Variants in DEGS2 observed in about 807,000 individuals in gnomAD.
The protein encoded by DEGS2 is delta 4-desaturase, sphingolipid 2.
DEGS2 carries 19 observed loss-of-function variants against 23.8 expected under a neutral mutation model. The ratio of observed to expected loss-of-function variants is 0.80; its 90% confidence interval spans 0.56 to 1.17. DEGS2 has a LOEUF of 1.17. Ranked by LOEUF, DEGS2 falls within the 50% of genes most tolerant of loss-of-function variation. The pLI, the probability that DEGS2 is intolerant of heterozygous loss-of-function variation, is 0.00. For missense variants in DEGS2, 390 were observed against 459.5 expected (o/e 0.85, Z 1.38); for synonymous variants, 218 against 213.7 (o/e 1.02, Z -0.18).
intron 2 of DEGS2, among the ~76,000 whole-genome samples, chr14:100,148,535 A>G (rs1889498688): frequency 6.6e-6 from 1 of 152,210 alleles, no homozygotes; most frequent in Non-Finnish European, 1.5e-5. Context: ...AGCTCTGCCC[A>G]AGCCCCTTGG....
intron 2 of DEGS2, among the ~76,000 whole-genome samples, chr14:100,147,652 C>CTCCT (rs1889474268): frequency 1.6e-5 from 2 of 124,702 alleles, no homozygotes; most frequent in African/African-American, 5.6e-5. Context: ...CAGGGATGCC[C>CTCCT]TCCCTGCCCC....
At chr14:100,160,681 T>C (rs369051386), upstream of DEGS2, among the ~76,000 whole-genome samples, 5 of 152,272 alleles carry the variant, frequency 3.3e-5, no homozygotes, top group East Asian at 7.7e-4. Context: ...GGCTCGCACA[T>C]AGTGAGGGCG....
chr14:100,166,344 CGGGGCTGTGG>C, the DEGS2 span, among the ~76,000 whole-genome samples: 17 of 32,162 alleles, frequency 5.3e-4, no homozygotes, highest in Non-Finnish European at 8.4e-4. Flanking sequence ...GGAGCCTGCC[CGGGGCTGTGG>C]GGGGAGCCTG....
At position 100,159,465 on chromosome 14, in the gene DEGS2, C is replaced by G. The variant is rs758489953; in HGVS notation, c.82+41G>C. Reference sequence around the variant, plus strand: ...CACGACGCGACTCCAGACGGGCCAACGGGGCGGTCCCCACCGGGGTGGGCC... The same window carrying G: ...CACGACGCGACTCCAGACGGGCCAAGGGGGCGGTCCCCACCGGGGTGGGCC... On this transcript the variant is annotated intron_variant, in intron 1 of 2. Coordinates refer to ENST00000305631, the MANE Select transcript of DEGS2 (RefSeq NM_206918.3). 3.6e-5 allele frequency: 52 copies of G among 1,430,824 alleles called. No homozygotes were observed. The South Asian group carries it at 7.0e-4, about 19-fold the overall frequency. 88.6% of individuals were successfully genotyped at this position (1,430,824 alleles called of 1,614,324 possible).
chr14:100,158,232 G>A (rs1889690317), intron 1 of DEGS2, among the ~76,000 whole-genome samples: 1 of 152,140 alleles, frequency 6.6e-6, no homozygotes, highest in Non-Finnish European at 1.5e-5. Flanking sequence ...AACATGGCAA[G>A]ACCCTGTTTC....
chr14:100,146,992 G>A (rs1889459263), intron 2 of DEGS2, 85 bp from the exon 3 acceptor site: 17 of 1,488,958 alleles, frequency 1.1e-5, no homozygotes, highest in African/African-American at 6.9e-5. Flanking sequence ...GAGCACACGC[G>A]GTGGGCATGC....
upstream of DEGS2, among the ~76,000 whole-genome samples, chr14:100,163,335 G>T (rs1889771267): frequency 6.6e-6 from 1 of 152,224 alleles, no homozygotes; most frequent in African/African-American, 2.4e-5. Context: ...CCAGCTAGTT[G>T]GGAGGCCGAG....
chr14:100,148,839 G>T, intron 2 of DEGS2, 129 bp downstream of exon 2: 1 of 1,087,198 alleles, frequency 9.2e-7, no homozygotes, highest in Non-Finnish European at 1.3e-6. Flanking sequence ...AAGTGCAAGT[G>T]GCCATGCCAT....
chr14:100,159,537 C>A lies in DEGS2; in HGVS notation c.51G>T (p.Gln17His). 6.6e-7 allele frequency: 1 copy of A among 1,512,190 alleles called. No homozygotes were observed. Among genetic ancestry groups the A allele is most frequent in the Non-Finnish European group, 8.8e-7 (1 of 1,132,162 alleles). 93.7% of individuals were successfully genotyped at this position (1,512,190 alleles called of 1,614,324 possible). The change falls in exon 1 of 3, where the codon CAG becomes CAT. Residue 17 changes from glutamine (Q) to histidine (H), a missense_variant. Gln to His is a conservative substitution (Grantham distance 24). Coordinates refer to ENST00000305631, the MANE Select transcript of DEGS2 (RefSeq NM_206918.3). ...TCTCCTTGCGCCGCTGCGTGTGCGG[C>A]TGGTCGGTGTAGACCCACTCGAAGT... is the stretch of plus-strand genomic sequence containing the variant. ...RSDFEWVYTD[Q>H]PHTQRRKEIL...
At chr14:100,162,322 T>C (rs1889758858), upstream of DEGS2, among the ~76,000 whole-genome samples, 1 of 151,906 alleles carries the variant, frequency 6.6e-6, no homozygotes. Flanking sequence ...CTCCAGAGCC[T>C]GGGCAACAGA....
chr14:100,154,450 TCTC>T (rs1371015282), intron 1 of DEGS2, among the ~76,000 whole-genome samples: 1 of 152,036 alleles, frequency 6.6e-6, no homozygotes, highest in Non-Finnish European at 1.5e-5. Context: ...TCTGGACCTG[TCTC>T]CTCAGTCTCC....
intron 2 of DEGS2, among the ~76,000 whole-genome samples, chr14:100,148,441 C>T (rs919476705): frequency 2.0e-5 from 3 of 152,250 alleles, no homozygotes; most frequent in Non-Finnish European, 2.9e-5. Context: ...CCCCCTTCCC[C>T]TTCCTCCTTT....
intron 2 of DEGS2, among the ~76,000 whole-genome samples, 183 bp from the exon 3 acceptor site, chr14:100,147,090 C>G (rs148793850): frequency 3.9e-5 from 6 of 152,352 alleles, no homozygotes; most frequent in Non-Finnish European, 8.8e-5. Context: ...ACCGTCGCCT[C>G]TGGGGTGCCC....
intron 2 of DEGS2, among the ~76,000 whole-genome samples, chr14:100,148,025 G>A (rs1329349965): frequency 2.6e-5 from 4 of 152,210 alleles, no homozygotes; most frequent in Admixed American, 2.6e-4. Context: ...CACCGCCTTG[G>A]TACTGCCAGC....
upstream of DEGS2, among the ~76,000 whole-genome samples, chr14:100,160,945 C>G (rs1356001092): frequency 2.0e-5 from 3 of 152,338 alleles, no homozygotes; most frequent in South Asian, 2.1e-4. Context: ...CCCGGCCCAG[C>G]TTGCACCCTT....
intron 1 of DEGS2, among the ~76,000 whole-genome samples, chr14:100,158,034 T>TGGAGA (rs1889685878): frequency 8.0e-6 from 1 of 124,326 alleles, no homozygotes; most frequent in Admixed American, 9.7e-5. Context: ...TTGCGGTGAG[T>TGGAGA]GGAGATCGCA....
chr14:100,147,151 C>G (rs1889463699), intron 2 of DEGS2, among the ~76,000 whole-genome samples: 1 of 152,222 alleles, frequency 6.6e-6, no homozygotes, highest in Non-Finnish European at 1.5e-5. Flanking sequence ...TCCCTGCCAA[C>G]CACCACTTCC....
chr14:100,164,080 G>T (rs1889779569), upstream of DEGS2, among the ~76,000 whole-genome samples: 2 of 152,046 alleles, frequency 1.3e-5, no homozygotes, highest in African/African-American at 2.4e-5. Flanking sequence ...GCCAGGTGTG[G>T]TGGCTCGCGC....
In DEGS2 at chr14:100,159,590, TG is replaced by T; in HGVS notation, c.-4del. 7.0e-7 allele frequency: 1 copy of T among 1,434,084 alleles called. No individual in the cohort carries two copies. The highest frequency in any genetic ancestry group is 9.2e-7 in the Non-Finnish European group (1 of 1,089,506). 88.8% of individuals were successfully genotyped at this position (1,434,084 alleles called of 1,614,324 possible). A position where few individuals can be genotyped will look rare whatever the true frequency, so the allele number is the denominator to read the frequency against. On this transcript the variant is annotated 5_prime_UTR_variant, in exon 1 of 3. Transcript: ENST00000305631. ...CTGCGGCTCGCGCTGTTGCCCATGG[TG>T]GGGCGGGAGGCGCCGTTCGGAGCGC...
Sources: gnomAD v4.1 joint callset for allele counts (sites outside exome capture counted in the v4.1 genomes callset) on GRCh38, gnomAD v4.1.1 for gene constraint, MANE v1.5 for transcripts, NCBI Gene and HGNC (gene_info 2026-07-23, HGNC 2026-07-21) for gene names.